Variants in PTPN3 observed in about 807,000 individuals in gnomAD.
The protein encoded by PTPN3 is tyrosine-protein phosphatase non-receptor type 3.
PTPN3 carries 96 observed loss-of-function variants against 132.7 expected under a neutral mutation model. The ratio of observed to expected loss-of-function variants is 0.72; its 90% CI spans 0.61 to 0.86. The LOEUF (loss-of-function observed/expected upper bound fraction) is 0.86, where lower values mean the gene tolerates loss of function less well. PTPN3 is among the 40% of genes least tolerant of loss of function. PTPN3 has a pLI of 0.00. For synonymous variants in PTPN3, 398 were observed against 429.0 expected (o/e 0.93, Z 0.89); for missense variants, 1,125 against 1,159.6 (o/e 0.97, Z 0.43).
intron 7 of PTPN3, among the ~76,000 whole-genome samples, chr9:109,440,946 GGGC>G (rs1482084550): frequency 2.0e-5 from 3 of 152,164 alleles, no homozygotes; most frequent in Admixed American, 2.0e-4. Flanking sequence ...GCAAAACACT[GGGC>G]GGTTTCACAT....
intron 16 of PTPN3, among the ~76,000 whole-genome samples, chr9:109,409,685 T>C (rs1408330669): frequency 1.3e-5 from 2 of 152,050 alleles, no homozygotes; most frequent in Non-Finnish European, 2.9e-5. Flanking sequence ...TAGCTGGGTA[T>C]GGTGGTGCAT....
At chr9:109,492,571 C>T (rs1043314752) in intron 1 of PTPN3, among the ~76,000 whole-genome samples, 1 of 152,206 alleles carries the variant, frequency 6.6e-6, no homozygotes, top group Admixed American at 6.5e-5. Flanking sequence ...TCATTGACAA[C>T]AGTCAACTTA....
chr9:109,483,854 C>G (rs766011051), intron 1 of PTPN3, among the ~76,000 whole-genome samples: 4 of 152,166 alleles, frequency 2.6e-5, no homozygotes, highest in Admixed American at 6.5e-5. Flanking sequence ...CTCCACAAGG[C>G]TCCCCATCAT....
intron 1 of PTPN3, among the ~76,000 whole-genome samples, chr9:109,488,058 A>G (rs995829078): frequency 3.3e-5 from 5 of 151,786 alleles, no homozygotes; most frequent in African/African-American, 9.7e-5. Flanking sequence ...AATGCTTTTA[A>G]GCAGCTGTGT....
intron 22 of PTPN3, among the ~76,000 whole-genome samples, chr9:109,388,558 T>C (rs1239813835): frequency 1.3e-5 from 2 of 152,142 alleles, no homozygotes; most frequent in African/African-American, 4.8e-5. Flanking sequence ...AGCACGGAGC[T>C]GGCGGACAGC....
chr9:109,378,999 A>C lies in PTPN3; in HGVS notation c.*557T>G, dbSNP rs1252218213. 1 of 152,308 alleles carries C rather than the reference A, an allele frequency of 6.6e-6. No homozygotes were observed. Among genetic ancestry groups the C allele is most frequent in the African/African-American group, 2.4e-5 (1 of 41,404 alleles). 9.4% of individuals were successfully genotyped at this position (152,308 alleles called of 1,614,324 possible). On this transcript the variant is annotated 3_prime_UTR_variant, in exon 26 of 26. Transcript: ENST00000374541. Reference sequence around the variant, plus strand: ...GCTGGGAGATGGGACAAAGGGAGGGAGGGCAGAGAGGTGTTGCTCAGCCTT... The same window carrying C: ...GCTGGGAGATGGGACAAAGGGAGGGCGGGCAGAGAGGTGTTGCTCAGCCTT...
chr9:109,500,214 G>A (rs1458646650), upstream of PTPN3, among the ~76,000 whole-genome samples: 2 of 152,250 alleles, frequency 1.3e-5, no homozygotes, highest in East Asian at 3.9e-4. Context: ...ACCAAAATCA[G>A]CCGTCATCCT....
At chr9:109,454,400 G>GCC in intron 5 of PTPN3, 96 bp downstream of exon 5, 2 of 1,023,830 alleles carry the variant, frequency 2.0e-6, no homozygotes, top group Non-Finnish European at 3.0e-6. Context: ...ACACCCAAAT[G>GCC]AAGTTATTTG....
chr9:109,454,082 T>C (rs1845431456), intron 5 of PTPN3, among the ~76,000 whole-genome samples: 1 of 152,208 alleles, frequency 6.6e-6, no homozygotes, highest in South Asian at 2.1e-4. Flanking sequence ...GCCTTGATTT[T>C]AGCTCTTCAG....
At chr9:109,454,669 C>G in intron 4 of PTPN3, 95 bp from the exon 5 acceptor site, 1 of 912,518 alleles carries the variant, frequency 1.1e-6, no homozygotes, top group East Asian at 2.4e-5. Context: ...TTTTTTCACT[C>G]AACCATAGCT....
At chr9:109,438,057 G>A in intron 8 of PTPN3, 57 bp downstream of exon 8, 1 of 1,545,372 alleles carries the variant, frequency 6.5e-7, no homozygotes, top group Non-Finnish European at 8.8e-7. Flanking sequence ...AAAGGGATAT[G>A]ATGTCTGAAA....
chr9:109,526,323 T>A, the PTPN3 span, among the ~76,000 whole-genome samples: 1 of 130,884 alleles, frequency 7.6e-6, no homozygotes, highest in African/African-American at 3.0e-5. Flanking sequence ...GCAAACTCAA[T>A]AAAAATTTCA....
intron 10 of PTPN3, chr9:109,428,983 T>C: frequency 2.0e-6 from 2 of 985,468 alleles, no homozygotes; most frequent in South Asian, 9.4e-5. Context: ...ACTGCAGCTC[T>C]GCGTGAGCTG....
the PTPN3 span, among the ~76,000 whole-genome samples, chr9:109,505,042 C>A: frequency 1.3e-5 from 2 of 152,110 alleles, no homozygotes; most frequent in African/African-American, 4.8e-5. Flanking sequence ...TTTGAAAAAC[C>A]AGCAGTGATG....
In PTPN3 at chr9:109,422,704, AAAG is replaced by A. The variant is rs774422916; in HGVS notation, c.1136+11_1136+13del. 6.3e-7 allele frequency: 1 copy of A among 1,579,160 alleles called. No homozygotes were observed. The highest frequency in any genetic ancestry group is 8.6e-7 in the Non-Finnish European group (1 of 1,166,554). Reference sequence around the variant, plus strand: ...CTGTTGGGTAGTACAAAAAAAAAAAAAAGGAGGACATACCAGTTGGGAGTAATG... The same window carrying A: ...CTGTTGGGTAGTACAAAAAAAAAAAAGAGGACATACCAGTTGGGAGTAATG... On this transcript the variant is annotated intron_variant, in intron 13 of 25. Coordinates refer to ENST00000374541, the MANE Select transcript of PTPN3 (RefSeq NM_002829.4).
At chr9:109,434,984 C>T (rs945134800) in intron 9 of PTPN3, among the ~76,000 whole-genome samples, 5 of 152,086 alleles carry the variant, frequency 3.3e-5, no homozygotes, top group Admixed American at 2.6e-4. Context: ...ACTATCAGTA[C>T]CCAACAGAAA....
chr9:109,438,074 A>G, intron 8 of PTPN3, 40 bp downstream of exon 8: 3 of 1,581,694 alleles, frequency 1.9e-6, no homozygotes, highest in Non-Finnish European at 2.6e-6. Flanking sequence ...GAAAATACCC[A>G]ACCCAAGTCC....
At chr9:109,415,638 C>T (rs115792119) in intron 14 of PTPN3, among the ~76,000 whole-genome samples, 1 of 152,016 alleles carries the variant, frequency 6.6e-6, no homozygotes, top group Admixed American at 6.6e-5. Context: ...GTGCAAGAGA[C>T]GATGGTGGCT....
the PTPN3 span, among the ~76,000 whole-genome samples, chr9:109,530,676 C>A: frequency 2.0e-5 from 3 of 152,174 alleles, no homozygotes; most frequent in Admixed American, 6.5e-5. Flanking sequence ...ACATTCCCAC[C>A]AGCAGTGCAC....
Sources: gnomAD v4.1 joint callset for allele counts (sites outside exome capture counted in the v4.1 genomes callset) on GRCh38, gnomAD v4.1.1 for gene constraint, MANE v1.5 for transcripts, NCBI Gene and HGNC (gene_info 2026-07-23, HGNC 2026-07-21) for gene names.